Variants in MELK observed in about 807,000 individuals in gnomAD.
MELK encodes the protein maternal embryonic leucine zipper kinase.
In MELK, 81 loss-of-function variants were observed where a neutral mutation model predicts 85.0. That is an observed-to-expected ratio of 0.95 (90% CI 0.80 to 1.15). MELK has a LOEUF of 1.15. MELK is among the 50% of genes most tolerant of loss of function. MELK has a pLI of 0.00. For missense variants in MELK, 754 were observed against 777.5 expected (o/e 0.97, Z 0.36); for synonymous variants, 252 against 265.0 (o/e 0.95, Z 0.48).
chr9:36,647,911 C>A (rs1271171197), intron 11 of MELK, among the ~76,000 whole-genome samples: 1 of 152,066 alleles, frequency 6.6e-6, no homozygotes, highest in Non-Finnish European at 1.5e-5. Context: ...ATGCAAATTT[C>A]AAAGCATATA....
chr9:36,668,263 A>G (rs530645468), intron 14 of MELK, among the ~76,000 whole-genome samples: 11 of 152,336 alleles, frequency 7.2e-5, no homozygotes, highest in African/African-American at 2.6e-4. Context: ...TCTTGTGGAA[A>G]GTGAGAATGT....
intron 4 of MELK, 67 bp from the exon 5 acceptor site, chr9:36,594,561 T>A (rs1326338703): frequency 2.6e-6 from 4 of 1,548,412 alleles, no homozygotes; most frequent in Non-Finnish European, 3.5e-6. Flanking sequence ...TGTACTTTTT[T>A]ATTTTAAATT....
intron 5 of MELK, 98 bp from the exon 6 acceptor site, chr9:36,597,124 G>A: frequency 1.1e-6 from 1 of 950,150 alleles, no homozygotes; most frequent in Admixed American, 2.2e-5. Context: ...GGCATGAGCT[G>A]CCACACCTGG....
intron 8 of MELK, among the ~76,000 whole-genome samples, chr9:36,616,370 A>G (rs1826785068): frequency 6.9e-6 from 1 of 144,588 alleles, no homozygotes; most frequent in African/African-American, 2.6e-5. Flanking sequence ...TATTAAAGGT[A>G]TCTAGCATGT....
At chr9:36,601,916 G>C (rs1824969018) in intron 7 of MELK, among the ~76,000 whole-genome samples, 1 of 152,094 alleles carries the variant, frequency 6.6e-6, no homozygotes, top group African/African-American at 2.4e-5. Context: ...TCTTTATAAG[G>C]CTGAATAATA....
intron 15 of MELK, 24 bp downstream of exon 15, chr9:36,669,430 T>G: frequency 6.7e-7 from 1 of 1,502,592 alleles, no homozygotes; most frequent in South Asian, 1.2e-5. Context: ...TTTTTTAGAC[T>G]CTAATCTTTA....
chr9:36,675,615 G>A (rs1833277462), intron 17 of MELK, among the ~76,000 whole-genome samples: 1 of 152,054 alleles, frequency 6.6e-6, no homozygotes, highest in Non-Finnish European at 1.5e-5. Context: ...CTTCATGACT[G>A]GCTGTTTTAC....
chr9:36,586,706 T>C (rs1822945853), intron 3 of MELK, among the ~76,000 whole-genome samples: 1 of 152,220 alleles, frequency 6.6e-6, no homozygotes, highest in Admixed American at 6.5e-5. Context: ...TTACAAAATG[T>C]GTTATCACAC....
chr9:36,661,111 C>A (rs1187122061), intron 13 of MELK, among the ~76,000 whole-genome samples: 1 of 152,172 alleles, frequency 6.6e-6, no homozygotes, highest in African/African-American at 2.4e-5. Flanking sequence ...GGAGCTCCAA[C>A]CTGTTCTGCC....
At chr9:36,651,667 GA>G in intron 11 of MELK, 78 bp from the exon 12 acceptor site, 5 of 1,523,670 alleles carry the variant, frequency 3.3e-6, no homozygotes, top group East Asian at 2.3e-5. Context: ...TTACACTGAA[GA>G]AAAAAATTAA....
intron 1 of MELK, among the ~76,000 whole-genome samples, chr9:36,575,093 A>G (rs933424279): frequency 1.3e-3 from 198 of 152,338 alleles, no homozygotes; most frequent in African/African-American, 4.2e-3. Context: ...AGATTACGCC[A>G]CTGCACTCCA....
intron 10 of MELK, 82 bp from the exon 11 acceptor site, chr9:36,642,915 T>A: frequency 1.0e-6 from 1 of 980,650 alleles, no homozygotes; most frequent in Non-Finnish European, 1.5e-6. Flanking sequence ...TTGTATAAAG[T>A]AATTATGCTG....
At chr9:36,648,525 A>C (rs1830421437) in intron 11 of MELK, among the ~76,000 whole-genome samples, 2 of 151,344 alleles carry the variant, frequency 1.3e-5, no homozygotes, top group African/African-American at 4.9e-5. Context: ...TCTTGTACCA[A>C]ATACAGCTCA....
In MELK at chr9:36,588,360, G is replaced by A. The variant is rs1001085701; in HGVS notation, c.145-1176G>A. ...GCTGGGATTACAGGCATGAGCCACC[G>A]CGCCTGGCCCAGAGTCCCTCCCTTT... On this transcript the variant is annotated intron_variant, in intron 3 of 17. Transcript: ENST00000298048. Among the ~76,000 whole-genome samples, 43 of 147,874 alleles carry A rather than the reference G, an allele frequency of 2.9e-4. 3 individuals are homozygous for A. Among genetic ancestry groups the A allele is most frequent in the African/African-American group, 1.1e-3 (41 of 38,482 alleles).
At chr9:36,654,053 G>A (rs1489222386) in intron 12 of MELK, among the ~76,000 whole-genome samples, 1 of 152,028 alleles carries the variant, frequency 6.6e-6, no homozygotes, top group Non-Finnish European at 1.5e-5. Flanking sequence ...TTGTTGGAGA[G>A]TTTTAATGGC....
intron 10 of MELK, among the ~76,000 whole-genome samples, chr9:36,640,310 G>C (rs1024795886): frequency 6.6e-6 from 1 of 152,130 alleles, no homozygotes; most frequent in Non-Finnish European, 1.5e-5. Flanking sequence ...AAAGATCAAG[G>C]CACCAGCAGA....
intron 14 of MELK, among the ~76,000 whole-genome samples, chr9:36,666,896 TGTGTGTGTGTGATG>T (rs1382811094): frequency 3.2e-5 from 4 of 126,382 alleles, no homozygotes; most frequent in South Asian, 2.5e-4. Flanking sequence ...TGTGTGTGTG[TGTGTGTGTGTGATG>T]GTGTGTGTGT....
At chr9:36,596,673 G>A (rs957535785) in intron 5 of MELK, among the ~76,000 whole-genome samples, 2 of 140,660 alleles carry the variant, frequency 1.4e-5, no homozygotes, top group African/African-American at 5.4e-5. Flanking sequence ...CCCAACCCCC[G>A]CCTCCCGGGC....
chr9:36,589,408 A>G, intron 3 of MELK, 128 bp from the exon 4 acceptor site: 2 of 676,728 alleles, frequency 3.0e-6, no homozygotes, highest in South Asian at 3.6e-5. Context: ...TCGGCCTCCC[A>G]AAGTGCGGGA....
Sources: allele counts gnomAD v4.1 joint callset (sites outside exome capture counted in the v4.1 genomes callset), GRCh38; gene constraint gnomAD v4.1.1; transcripts MANE v1.5; gene names NCBI Gene and HGNC (gene_info 2026-07-23, HGNC 2026-07-21).